PLCB4: variants seen among roughly 807,000 people sequenced by gnomAD.
PLCB4 encodes phospholipase C beta 4.
Under a neutral mutation model 178.8 loss-of-function variants are expected in PLCB4, and 77 were observed. The observed-to-expected ratio is 0.43, with a 90% CI of 0.36 to 0.52. The LOEUF is 0.52. Among genes scored for constraint, PLCB4 ranks in the 20% least tolerant of loss-of-function variants. The probability of loss-of-function intolerance (pLI) is 0.00; values close to 1 mark genes in which losing one functional copy is unlikely to be tolerated. For synonymous variants in PLCB4, 496 were observed against 490.8 expected, an observed-to-expected ratio of 1.01 and a Z score of -0.14; for missense variants, 1,024 against 1,453.4, an observed-to-expected ratio of 0.70 and a Z score of 4.80.
In PLCB4 at chr20:9,141,246, C is replaced by T. The variant is rs560883095; in HGVS notation, c.-79+44904C>T. On this transcript the variant is annotated intron_variant, in intron 2 of 39. Transcript: ENST00000378473. ...TACTCATTCCATTCCTATTTGTTCT[C>T]CCATGAAGCCAGTATCTTGTTTGGC... Among the ~76,000 whole-genome samples, 6 of 152,260 alleles carry T rather than the reference C, an allele frequency of 3.9e-5. No homozygotes were observed. In the East Asian group the frequency reaches 9.7e-4, roughly 25 times the overall value.
At chr20:9,124,616 A>G (rs1250218203) in intron 2 of PLCB4, among the ~76,000 whole-genome samples, 3 of 152,214 alleles carry the variant, frequency 2.0e-5, no homozygotes, top group Non-Finnish European at 4.4e-5. Context: ...CAGACTGTGA[A>G]TGAGAGACTG....
intron 25 of PLCB4, among the ~76,000 whole-genome samples, chr20:9,411,842 C>T (rs1288907899): frequency 6.6e-6 from 1 of 152,106 alleles, no homozygotes; most frequent in Non-Finnish European, 1.5e-5. Flanking sequence ...GTAGAGGAAT[C>T]CAATGGAAAA....
chr20:9,410,160 C>T (rs758422346), intron 24 of PLCB4, among the ~76,000 whole-genome samples: 13 of 152,208 alleles, frequency 8.5e-5, no homozygotes, highest in Non-Finnish European at 1.9e-4. Flanking sequence ...GACTGTGCTT[C>T]TCATGCCTTG....
intron 2 of PLCB4, among the ~76,000 whole-genome samples, chr20:9,147,747 T>G (rs1305466024): frequency 1.3e-5 from 2 of 152,154 alleles, no homozygotes; most frequent in Admixed American, 1.3e-4. Flanking sequence ...TTCAAGCCTT[T>G]CTTTGCATCA....
chr20:9,404,604 C>CAAA (rs34712600), intron 20 of PLCB4, among the ~76,000 whole-genome samples: 4 of 65,708 alleles, frequency 6.1e-5, no homozygotes, highest in African/African-American at 1.0e-4. Flanking sequence ...GACTGTGTCT[C>CAAA]AAAAAAAAAA....
intron 21 of PLCB4, among the ~76,000 whole-genome samples, chr20:9,405,912 A>G (rs1048982976): frequency 3.3e-5 from 5 of 152,210 alleles, no homozygotes; most frequent in African/African-American, 4.8e-5. Flanking sequence ...CTCATACTTC[A>G]GAGGTTCGGA....
At chr20:9,356,180 A>G (rs111509671) in intron 7 of PLCB4, among the ~76,000 whole-genome samples, 7,582 of 152,078 alleles carry the variant, frequency 0.05, 262 homozygotes, top group Non-Finnish European at 0.076. Context: ...TTCATTGTAG[A>G]TTCTGGATAT....
chr20:9,418,125 T>G (rs898004821), intron 25 of PLCB4, among the ~76,000 whole-genome samples: 2 of 152,178 alleles, frequency 1.3e-5, no homozygotes, highest in African/African-American at 4.8e-5. Context: ...GTGACTAGTC[T>G]TTTTACTTTC....
chr20:9,164,146 G>C (rs1319689702), intron 2 of PLCB4, among the ~76,000 whole-genome samples: 1 of 152,116 alleles, frequency 6.6e-6, no homozygotes, highest in African/African-American at 2.4e-5. Context: ...CCAGACTGTA[G>C]CCATTGATTA....
chr20:9,284,460 T>A (rs2094520079), intron 3 of PLCB4, among the ~76,000 whole-genome samples: 1 of 151,908 alleles, frequency 6.6e-6, no homozygotes, highest in Admixed American at 6.6e-5. Context: ...CAGCGTGTTG[T>A]ATAGATTGGC....
intron 2 of PLCB4, among the ~76,000 whole-genome samples, chr20:9,151,952 G>A (rs978323881): frequency 1.3e-5 from 2 of 152,126 alleles, no homozygotes; most frequent in African/African-American, 4.8e-5. Context: ...GAACTTGTTG[G>A]GAACTGGAGC....
intron 7 of PLCB4, among the ~76,000 whole-genome samples, chr20:9,358,632 C>T (rs556704188): frequency 5.3e-5 from 8 of 152,110 alleles, no homozygotes; most frequent in Admixed American, 1.3e-4. Flanking sequence ...CGGTGGCTCA[C>T]GCCTGTAGTT....
intron 3 of PLCB4, among the ~76,000 whole-genome samples, chr20:9,307,289 G>C (rs2147868294): frequency 6.6e-6 from 1 of 152,128 alleles, no homozygotes; most frequent in East Asian, 1.9e-4. Flanking sequence ...CCTAAGAGAG[G>C]GCTAAAGAGA....
intron 30 of PLCB4, 70 bp from the exon 31 acceptor site, chr20:9,443,911 G>A (rs2122130388): frequency 1.2e-6 from 1 of 864,660 alleles, no homozygotes; most frequent in Non-Finnish European, 1.9e-6. Context: ...CGATATGTCA[G>A]TTCTATATTA....
rs1429153023 is a variant in PLCB4 at position 9,408,025 on chromosome 20, C to T, written c.1756C>T (p.Pro586Ser). The change falls in exon 22 of 40, where the codon CCT becomes TCT. Residue 586 changes from proline to serine, a missense_variant. Pro to Ser is a moderately conservative substitution (Grantham distance 74, BLOSUM62 -1). Coordinates refer to ENST00000378473, the MANE Select transcript of PLCB4 (RefSeq NM_001377142.1). Reference sequence around the variant, plus strand: ...GTCCACAATGATCAACTACGCCCAGCCTGTAAAGTTTCAAGGTTTCCATGT... The same window carrying T: ...GTCCACAATGATCAACTACGCCCAGTCTGTAAAGTTTCAAGGTTTCCATGT... Reference protein sequence around the residue: ...YLSTMINYAQPVKFQGFHVAE... With the variant: ...YLSTMINYAQSVKFQGFHVAE... 6.2e-7 allele frequency: 1 copy of T among 1,613,384 alleles called. No homozygotes were observed. Among genetic ancestry groups the T allele is most frequent in the African/African-American group, 1.3e-5 (1 of 74,988 alleles).
intron 2 of PLCB4, among the ~76,000 whole-genome samples, chr20:9,209,340 TAAGTTAGGTGTTAA>T (rs2093647744): frequency 6.6e-6 from 1 of 151,818 alleles, no homozygotes; most frequent in African/African-American, 2.4e-5. Context: ...AAATGCATGC[TAAGTTAGGTGTTAA>T]CAGGCAGAAT....
intron 25 of PLCB4, among the ~76,000 whole-genome samples, chr20:9,415,880 C>G (rs936845677): frequency 1.7e-4 from 26 of 152,180 alleles, no homozygotes; most frequent in African/African-American, 6.3e-4. Flanking sequence ...GCTTCAGCTT[C>G]CCTATCAATG....
intron 12 of PLCB4, among the ~76,000 whole-genome samples, chr20:9,377,753 T>G (rs2036797975): frequency 6.6e-6 from 1 of 152,210 alleles, no homozygotes; most frequent in Non-Finnish European, 1.5e-5. Context: ...CTGACTAAAT[T>G]TTAATAGTGT....
chr20:9,406,749 C>T (rs2039469835), intron 21 of PLCB4, among the ~76,000 whole-genome samples: 1 of 152,178 alleles, frequency 6.6e-6, no homozygotes, highest in Non-Finnish European at 1.5e-5. Context: ...CCCGCCTCAG[C>T]CTCCCAAAGT....
Sources: gnomAD v4.1 joint callset for allele counts (sites outside exome capture counted in the v4.1 genomes callset) on GRCh38, gnomAD v4.1.1 for gene constraint, MANE v1.5 for transcripts, NCBI Gene and HGNC (gene_info 2026-07-23, HGNC 2026-07-21) for gene names.